The following SAMD8 variants were observed in gnomAD, a reference collection of about 807,000 sequenced individuals.
The protein encoded by SAMD8 is sterile alpha motif domain containing 8, also known as sphingomyelin synthase-related protein 1.
A neutral mutation model predicts 42.0 loss-of-function variants in SAMD8; 20 were observed. The observed-to-expected ratio is 0.48, with a 90% CI of 0.34 to 0.69. The LOEUF (loss-of-function observed/expected upper bound fraction) is 0.69, where lower values mean the gene tolerates loss of function less well. SAMD8 is among the 30% of genes least tolerant of loss of function. The pLI, the probability that SAMD8 is intolerant of heterozygous loss-of-function variation, is 0.01. For synonymous variants in SAMD8, 162 were observed against 173.0 expected (o/e 0.94, Z 0.50); for missense variants, 328 against 511.6 (o/e 0.64, Z 3.46).
chr10:75,127,879 G>T (rs1399697078), intron 1 of SAMD8, among the ~76,000 whole-genome samples: 1 of 152,112 alleles, frequency 6.6e-6, no homozygotes, highest in Non-Finnish European at 1.5e-5. Flanking sequence ...TTCCTTTGAA[G>T]AATATTTTAT....
At chr10:75,139,501 A>C (rs985244220) in intron 1 of SAMD8, among the ~76,000 whole-genome samples, 1 of 152,194 alleles carries the variant, frequency 6.6e-6, no homozygotes, top group Non-Finnish European at 1.5e-5. Context: ...ATGTTTTAAA[A>C]CTATCTTTTC....
chr10:75,146,993 G>A lies in SAMD8; in HGVS notation c.-15-3521G>A, dbSNP rs1840152129. Reference sequence around the variant, plus strand: ...ACCTGATAAAGCAGAACAGTGAAATGTGTCATGCTTTTAGGGCATTCCCAC... The same window carrying A: ...ACCTGATAAAGCAGAACAGTGAAATATGTCATGCTTTTAGGGCATTCCCAC... On this transcript the variant is annotated intron_variant, in intron 1 of 5. Coordinates refer to ENST00000542569, the MANE Select transcript of SAMD8 (RefSeq NM_001174156.2). Among the ~76,000 whole-genome samples the A allele has an allele frequency of 2.0e-5, 3 of 152,212 alleles. No homozygotes were observed. The South Asian group carries it at 6.2e-4, about 31-fold the overall frequency.
chr10:75,136,350 A>C (rs143712270), intron 1 of SAMD8, among the ~76,000 whole-genome samples: 5 of 152,340 alleles, frequency 3.3e-5, no homozygotes, highest in Middle Eastern at 3.4e-3. Context: ...AAAGAATGCA[A>C]AAGTACATAT....
At chr10:75,153,869 A>G (rs1840351865) in intron 2 of SAMD8, among the ~76,000 whole-genome samples, 1 of 151,576 alleles carries the variant, frequency 6.6e-6, no homozygotes, top group Non-Finnish European at 1.5e-5. Context: ...GGTTCAAGCT[A>G]TTCTCCTGCC....
At chr10:75,151,270 G>C (rs1035741488) in intron 2 of SAMD8, among the ~76,000 whole-genome samples, 164 bp downstream of exon 2, 17 of 152,122 alleles carry the variant, frequency 1.1e-4, no homozygotes, top group African/African-American at 4.1e-4. Flanking sequence ...TTTTCACTTA[G>C]AGTAAATTAG....
intron 1 of SAMD8, chr10:75,101,749 T>G: frequency 1.6e-6 from 1 of 629,846 alleles, no homozygotes; most frequent in Non-Finnish European, 2.6e-6. Flanking sequence ...ACCCAGTCGG[T>G]TCTCTACCCA....
At chr10:75,123,879 C>T (rs1355241649) in intron 1 of SAMD8, among the ~76,000 whole-genome samples, 2 of 151,930 alleles carry the variant, frequency 1.3e-5, no homozygotes, top group Non-Finnish European at 2.9e-5. Context: ...AGGCACACTC[C>T]ACCGCGCCCA....
upstream of SAMD8, chr10:75,109,297 A>G: frequency 1.0e-6 from 1 of 980,110 alleles, no homozygotes; most frequent in Non-Finnish European, 1.4e-6. Context: ...GGAGTGGACA[A>G]GACCTTTTCC....
intron 2 of SAMD8, among the ~76,000 whole-genome samples, chr10:75,151,814 G>A (rs1286122234): frequency 6.6e-6 from 1 of 152,174 alleles, no homozygotes; most frequent in Non-Finnish European, 1.5e-5. Context: ...AGCCTCCTGA[G>A]TAGCTGGGAT....
At chr10:75,169,169 CAAAAAAAAA>C (rs1023080854) in intron 4 of SAMD8, among the ~76,000 whole-genome samples, 7 of 30,236 alleles carry the variant, frequency 2.3e-4, no homozygotes, top group South Asian at 1.7e-3. Flanking sequence ...GACTCCATCT[CAAAAAAAAA>C]AAAAAAAAAA....
At chr10:75,108,365 T>C, upstream of SAMD8, 1 of 1,358,600 alleles carries the variant, frequency 7.4e-7, no homozygotes, top group Non-Finnish European at 9.7e-7. Context: ...CACAGCCCTA[T>C]ACCCAGAGCC....
Position 75,165,386 on chromosome 10 carries a change from A to G in SAMD8, c.674+646A>G, listed in dbSNP as rs141770472. Among the ~76,000 whole-genome samples, 1,482 of 151,248 alleles carry G rather than the reference A, an allele frequency of 9.8e-3. 22 individuals are homozygous for G. The highest frequency in any genetic ancestry group is 0.011 in the Non-Finnish European group (712 of 67,778). On this transcript the variant is annotated intron_variant, in intron 3 of 5. Coordinates refer to ENST00000542569, the MANE Select transcript of SAMD8 (RefSeq NM_001174156.2). ...GAGGAGGCCCATTAAAAAAGAGATT[A>G]TTGGCCGGGCACGGTGGCTCATGCC... is the stretch of plus-strand genomic sequence containing the variant.
upstream of SAMD8, chr10:75,111,510 C>G (rs867545623): frequency 8.1e-7 from 1 of 1,228,956 alleles, no homozygotes; most frequent in Non-Finnish European, 1.0e-6. Flanking sequence ...GGTTCGGCTC[C>G]GAGCAGCTGC....
At chr10:75,169,890 C>A (rs1233505836) in intron 4 of SAMD8, among the ~76,000 whole-genome samples, 1 of 152,156 alleles carries the variant, frequency 6.6e-6, no homozygotes, top group Non-Finnish European at 1.5e-5. Flanking sequence ...GCCTGGGCAA[C>A]AAGAGTGAAT....
intron 2 of SAMD8, among the ~76,000 whole-genome samples, chr10:75,162,933 CTTTTTTTT>C (rs947825824): frequency 6.7e-6 from 1 of 149,382 alleles, no homozygotes; most frequent in Non-Finnish European, 1.5e-5. Context: ...TTCTTTTTTT[CTTTTTTTT>C]TGAAACAGAG....
chr10:75,155,244 A>C (rs1229410974), intron 2 of SAMD8, among the ~76,000 whole-genome samples: 2 of 152,188 alleles, frequency 1.3e-5, no homozygotes, highest in African/African-American at 4.8e-5. Context: ...TGCCATTTAC[A>C]GAGATGGGAA....
intron 1 of SAMD8, among the ~76,000 whole-genome samples, chr10:75,114,689 T>G (rs1848837821): frequency 1.3e-5 from 2 of 152,214 alleles, no homozygotes; most frequent in Non-Finnish European, 2.9e-5. Context: ...TTCAAGATTT[T>G]TACTTCCAGG....
intron 3 of SAMD8, 111 bp from the exon 4 acceptor site, chr10:75,168,430 A>T: frequency 6.6e-7 from 1 of 1,517,320 alleles, no homozygotes; most frequent in Non-Finnish European, 8.8e-7. Flanking sequence ...TCCTCTTCAA[A>T]GAGTCTAGTG....
chr10:75,117,295 C>T (rs1848906034), intron 1 of SAMD8, among the ~76,000 whole-genome samples: 2 of 151,402 alleles, frequency 1.3e-5, no homozygotes, highest in Non-Finnish European at 2.9e-5. Flanking sequence ...TGGTGGTGTG[C>T]ACCTATAGTC....
Sources: allele counts gnomAD v4.1 joint callset (sites outside exome capture counted in the v4.1 genomes callset), GRCh38; gene constraint gnomAD v4.1.1; transcripts MANE v1.5; gene names NCBI Gene and HGNC (gene_info 2026-07-23, HGNC 2026-07-21).